Variants in CPT1A observed in about 807,000 individuals in gnomAD.
CPT1A encodes carnitine palmitoyltransferase 1A.
CPT1A carries 64 observed loss-of-function variants against 100.8 expected under a neutral mutation model. The observed-to-expected ratio is 0.63, with a 90% CI of 0.52 to 0.78. The LOEUF (loss-of-function observed/expected upper bound fraction) is 0.78, where lower values mean the gene tolerates loss of function less well. CPT1A is among the 30% of genes least tolerant of loss of function. The pLI, the probability that CPT1A is intolerant of heterozygous loss-of-function variation, is 0.00. For synonymous variants in CPT1A, 363 were observed against 396.0 expected, an observed-to-expected ratio of 0.92 and a Z score of 0.99; for missense variants, 802 against 1,034.1, an observed-to-expected ratio of 0.78 and a Z score of 3.08.
At chr11:68,824,794 C>T (rs55795833) in intron 1 of CPT1A, among the ~76,000 whole-genome samples, 6 of 120,316 alleles carry the variant, frequency 5.0e-5, no homozygotes, top group African/African-American at 6.4e-5. Flanking sequence ...GCAATTGTAT[C>T]TTTTTTTTTT....
chr11:68,775,260 T>A (rs1408226411), intron 13 of CPT1A, 56 bp downstream of exon 13: 1 of 1,408,902 alleles, frequency 7.1e-7, no homozygotes, highest in Non-Finnish European at 1.0e-6. Flanking sequence ...TCTGTAAGAC[T>A]TCAAATGTGT....
At chr11:68,782,188 G>C (rs1855331614) in intron 10 of CPT1A, among the ~76,000 whole-genome samples, 1 of 152,126 alleles carries the variant, frequency 6.6e-6, no homozygotes, top group African/African-American at 2.4e-5. Context: ...AATAAATGCT[G>C]ACTAAATGAA....
At chr11:68,824,119 A>G (rs374342729) in intron 1 of CPT1A, among the ~76,000 whole-genome samples, 6 of 151,716 alleles carry the variant, frequency 4.0e-5, no homozygotes, top group Admixed American at 1.3e-4. Context: ...GCGGTGGCAG[A>G]CGCCTGTAAT....
intron 1 of CPT1A, among the ~76,000 whole-genome samples, chr11:68,817,064 G>T (rs1856436999): frequency 8.6e-6 from 1 of 116,512 alleles, no homozygotes; most frequent in Admixed American, 9.1e-5. Context: ...TGGGGGGTGG[G>T]TGTGTGTGGG....
chr11:68,818,233 C>G (rs1856486225), intron 1 of CPT1A, among the ~76,000 whole-genome samples: 1 of 152,136 alleles, frequency 6.6e-6, no homozygotes, highest in Non-Finnish European at 1.5e-5. Flanking sequence ...GCTGCACTTG[C>G]TGGTGAAATG....
At chr11:68,800,831 G>A (rs1489798521) in intron 5 of CPT1A, among the ~76,000 whole-genome samples, 1 of 152,070 alleles carries the variant, frequency 6.6e-6, no homozygotes, top group Non-Finnish European at 1.5e-5. Context: ...AGGGCCAGCT[G>A]TAGCTGGGCA....
intron 12 of CPT1A, among the ~76,000 whole-genome samples, chr11:68,776,997 G>A (rs1200415939): frequency 1.3e-5 from 2 of 152,202 alleles, no homozygotes; most frequent in East Asian, 1.9e-4. Context: ...GCGAGGCGGC[G>A]GGGCGGGTGG....
At chr11:68,823,560 G>A (rs904380951) in intron 1 of CPT1A, among the ~76,000 whole-genome samples, 2 of 151,802 alleles carry the variant, frequency 1.3e-5, no homozygotes, top group East Asian at 1.9e-4. Flanking sequence ...AGGCCGAGGC[G>A]GGAGGATCAA....
At chr11:68,788,630 T>TTA (rs746681111) in intron 9 of CPT1A, among the ~76,000 whole-genome samples, 4 of 27,556 alleles carry the variant, frequency 1.5e-4, no homozygotes, top group African/African-American at 1.4e-4. Context: ...CAAACAAAAG[T>TTA]AAAAAAAAAA....
At chr11:68,843,102 A>G (rs2154003467), upstream of CPT1A, among the ~76,000 whole-genome samples, 1 of 152,304 alleles carries the variant, frequency 6.6e-6, no homozygotes, top group East Asian at 1.9e-4. The surrounding 1 kb of genome is among the most constrained non-coding windows in gnomAD (Gnocchi z 4.0). Flanking sequence ...AGAAGAGAAA[A>G]TGAAAGTTCT....
Position 68,784,825 on chromosome 11 carries a change from C to T in CPT1A, c.1153G>A (p.Ala385Thr), listed in dbSNP as rs754650208. The T allele has an allele frequency of 1.9e-6, 3 of 1,609,616 alleles. No homozygotes were observed. Among genetic ancestry groups the T allele is most frequent in the East Asian group, 4.5e-5 (2 of 44,840 alleles). The change falls in exon 10 of 19, where the codon GCA becomes ACA. Residue 385 changes from alanine (A) to threonine (T), a missense_variant. Ala to Thr is a moderately conservative substitution (Grantham distance 58, BLOSUM62 0). Around this residue, in one of 4 missense-constraint regions of CPT1A, gnomAD observed 627 missense variants for 799.3 expected, o/e 0.78. Coordinates refer to ENST00000265641, the MANE Select transcript of CPT1A (RefSeq NM_001876.4). ...PGEARLAALT[A>T]GDRVPWARCR... ...ACCTAGGCTGCGCACCTGTCTCCTG[C>T]GGTGAGGGCTGCCAGCCTGGCCTCC...
intron 1 of CPT1A, among the ~76,000 whole-genome samples, chr11:68,819,340 A>G (rs1299376125): frequency 2.6e-5 from 4 of 152,020 alleles, no homozygotes; most frequent in Non-Finnish European, 5.9e-5. Context: ...TCGGCCTCCC[A>G]AAGTGCCGGG....
At position 68,794,912 on chromosome 11, in the gene CPT1A, C is replaced by T. The variant is rs1555230326; in HGVS notation, c.772-1G>A. The T allele has an allele frequency of 6.2e-7, 1 of 1,613,350 alleles. No homozygotes were observed. The highest frequency in any genetic ancestry group is 8.5e-7 in the Non-Finnish European group (1 of 1,179,346). ...GAGTTGGAAGGATATACAGCAGATC[C>T]TGAAAAGCGACAAAGGTGGAGAGAA... On this transcript the variant is annotated splice_acceptor_variant, in intron 7 of 18. Transcript: ENST00000265641. LOFTEE classifies it high-confidence loss of function.
intron 14 of CPT1A, among the ~76,000 whole-genome samples, chr11:68,763,400 G>T (rs1854687519): frequency 6.6e-6 from 1 of 152,180 alleles, no homozygotes; most frequent in South Asian, 2.1e-4. Flanking sequence ...GCCGTGCACA[G>T]CAGGGGATCT....
intron 14 of CPT1A, among the ~76,000 whole-genome samples, chr11:68,765,731 C>T (rs75823120): frequency 0.01 from 1,592 of 152,322 alleles, 31 homozygotes; most frequent in African/African-American, 0.037. Flanking sequence ...TGTTGTAAGA[C>T]AGATCATGCC....
chr11:68,811,939 T>C (rs1248369919), intron 3 of CPT1A, among the ~76,000 whole-genome samples: 2 of 143,116 alleles, frequency 1.4e-5, no homozygotes, highest in Non-Finnish European at 3.0e-5. Flanking sequence ...ACCCTAGAGG[T>C]AGGAGGGACG....
intron 9 of CPT1A, among the ~76,000 whole-genome samples, chr11:68,787,799 C>A (rs1855506485): frequency 6.6e-6 from 1 of 152,002 alleles, no homozygotes; most frequent in African/African-American, 2.4e-5. Flanking sequence ...CAAAAATTAG[C>A]CAGGCGTGGT....
intron 2 of CPT1A, among the ~76,000 whole-genome samples, chr11:68,813,826 G>A (rs1447568093): frequency 6.6e-6 from 1 of 152,072 alleles, no homozygotes; most frequent in Non-Finnish European, 1.5e-5. Context: ...GCAGCTCTCG[G>A]CGAGCCGAGC....
intron 1 of CPT1A, among the ~76,000 whole-genome samples, chr11:68,815,828 A>G (rs1856371692): frequency 6.9e-6 from 1 of 144,434 alleles, no homozygotes; most frequent in Non-Finnish European, 1.5e-5. Context: ...CGTCCCCCAG[A>G]ACCACGCCTC....
Sources: allele counts gnomAD v4.1 joint callset (sites outside exome capture counted in the v4.1 genomes callset), GRCh38; gene constraint gnomAD v4.1.1; regional missense constraint gnomAD v4.1.1; non-coding constraint Gnocchi (gnomAD v3.1); transcripts MANE v1.5; gene names NCBI Gene and HGNC (gene_info 2026-07-23, HGNC 2026-07-21).